Variants in PDCD10 observed in about 807,000 individuals in gnomAD.
PDCD10 encodes the protein programmed cell death 10.
Under a neutral mutation model 29.2 loss-of-function variants are expected in PDCD10, and 4 were observed. The observed-to-expected ratio is 0.14, with a 90% confidence interval of 0.07 to 0.31. The LOEUF is 0.31. Among genes scored for constraint, PDCD10 ranks in the 10% least tolerant of loss-of-function variants. The probability of loss-of-function intolerance (pLI) is 1.00; values close to 1 mark genes in which losing one functional copy is unlikely to be tolerated. For missense variants in PDCD10, 183 were observed against 257.9 expected (o/e 0.71, Z 1.99); for synonymous variants, 70 against 82.2 (o/e 0.85, Z 0.80).
At chr3:167,706,060 A>G (rs926585858) in intron 3 of PDCD10, among the ~76,000 whole-genome samples, 3 of 152,180 alleles carry the variant, frequency 2.0e-5, no homozygotes, top group Admixed American at 6.5e-5. Context: ...TTCAAGTATC[A>G]GCGTTATTAG....
intron 3 of PDCD10, among the ~76,000 whole-genome samples, chr3:167,714,926 G>GA (rs1232616517): frequency 1.1e-4 from 16 of 151,814 alleles, no homozygotes; most frequent in Non-Finnish European, 2.2e-4. Context: ...CACAGAAATA[G>GA]AAAAAACAAT....
At chr3:167,717,373 G>T (rs1355831735) in intron 3 of PDCD10, among the ~76,000 whole-genome samples, 1 of 152,098 alleles carries the variant, frequency 6.6e-6, no homozygotes, top group East Asian at 1.9e-4. Context: ...ACAATACACT[G>T]TAGACAAGAT....
intron 6 of PDCD10, chr3:167,694,620 G>C (rs1054547564): frequency 1.3e-5 from 2 of 152,762 alleles, no homozygotes. Flanking sequence ...CATCAGCTGA[G>C]CTGACCGTCC....
At chr3:167,712,339 A>G (rs1220652325) in intron 3 of PDCD10, among the ~76,000 whole-genome samples, 1 of 152,102 alleles carries the variant, frequency 6.6e-6, no homozygotes. Flanking sequence ...AATGAAGTAT[A>G]GAGATTTTAT....
chr3:167,709,332 G>A lies in PDCD10; in HGVS notation c.97-4437C>T, dbSNP rs78157108. On this transcript the variant is annotated intron_variant, in intron 3 of 8. Transcript: ENST00000392750. The stretch of plus-strand genomic sequence containing the variant: ...TCATATTGCTGAAAGAGGCAATAAA[G>A]AGAGTGGAAAAGACCATCTTGAAAC... Among the ~76,000 whole-genome samples the A allele has an allele frequency of 7.9e-3, 1,207 of 152,230 alleles. 9 individuals carry two copies. Among genetic ancestry groups the A allele is most frequent in the Non-Finnish European group, 0.014 (924 of 68,002 alleles).
Position 167,695,981 on chromosome 3 carries a change from TA to T in PDCD10, c.269-260del, listed in dbSNP as rs11332538. ...GACAAAAGGACATCCCATGAAATCTTAAAAAAAAAAAACACACAAAAAAAAA... is the reference window on the plus strand; with the variant it reads ...GACAAAAGGACATCCCATGAAATCTTAAAAAAAAAAACACACAAAAAAAAA... On this transcript the variant is annotated intron_variant, in intron 5 of 8. Coordinates refer to ENST00000392750, the MANE Select transcript of PDCD10 (RefSeq NM_007217.4). 0.32 allele frequency among the ~76,000 whole-genome samples: 44,024 copies of T among 138,252 alleles called. 7,772 individuals carry two copies. Among genetic ancestry groups the T allele is most frequent in the African/African-American group, 0.51 (19,836 of 38,680 alleles). The allele number at this position is 138,252 out of a possible 152,430, so 90.7% of individuals were successfully genotyped here. A position where few individuals can be genotyped will look rare whatever the true frequency, so the allele number is the denominator to read the frequency against.
intron 2 of PDCD10, among the ~76,000 whole-genome samples, chr3:167,722,306 A>T (rs960194748): frequency 3.3e-5 from 5 of 152,198 alleles, no homozygotes; most frequent in African/African-American, 1.2e-4. Flanking sequence ...TATTAAATAT[A>T]GAGCAGTGAA....
chr3:167,718,673 G>A (rs1260993069), intron 3 of PDCD10, among the ~76,000 whole-genome samples: 2 of 151,520 alleles, frequency 1.3e-5, no homozygotes, highest in East Asian at 1.9e-4. Flanking sequence ...CTAGATGCGG[G>A]ACCCCACTCT....
At chr3:167,698,981 A>G (rs1227356681) in intron 4 of PDCD10, among the ~76,000 whole-genome samples, 1 of 152,214 alleles carries the variant, frequency 6.6e-6, no homozygotes, top group Non-Finnish European at 1.5e-5. Flanking sequence ...GCTGTTTATT[A>G]AATACTTAGG....
At chr3:167,732,950 G>A (rs2108516298) in intron 2 of PDCD10, among the ~76,000 whole-genome samples, 1 of 152,262 alleles carries the variant, frequency 6.6e-6, no homozygotes, top group African/African-American at 2.4e-5. Context: ...TTCCTTGTCT[G>A]TGTACTACAT....
At chr3:167,715,988 T>C (rs1342263209) in intron 3 of PDCD10, among the ~76,000 whole-genome samples, 1 of 151,912 alleles carries the variant, frequency 6.6e-6, no homozygotes, top group Non-Finnish European at 1.5e-5. Flanking sequence ...TGCTGCAGCA[T>C]TGTTCACAAC....
At chr3:167,696,868 C>T (rs1476127997) in intron 5 of PDCD10, 141 bp downstream of exon 5, 2 of 711,038 alleles carry the variant, frequency 2.8e-6, no homozygotes, top group Non-Finnish European at 5.2e-6. Flanking sequence ...TCACTATCAC[C>T]ACCACCACCA....
At chr3:167,721,042 G>A (rs781332218) in intron 2 of PDCD10, among the ~76,000 whole-genome samples, 3 of 152,070 alleles carry the variant, frequency 2.0e-5, no homozygotes, top group Non-Finnish European at 2.9e-5. Context: ...AAGGAAATAT[G>A]TTAGTTTTTA....
rs9810173 is a variant in PDCD10 at position 167,725,933 on chromosome 3, C to T, written c.-116-5660G>A. Among the ~76,000 whole-genome samples the T allele has an allele frequency of 4.6e-3, 689 of 150,476 alleles. 2 individuals are homozygous for T. The highest frequency in any genetic ancestry group is 8.1e-3 in the Non-Finnish European group (546 of 67,680). On this transcript the variant is annotated intron_variant, in intron 2 of 8. Transcript: ENST00000392750. ...TGTCATTCATAAACTATCTTTGTCT[C>T]TGAACAAGTCATTTCACCTCTCTAT...
intron 3 of PDCD10, among the ~76,000 whole-genome samples, chr3:167,710,988 A>G (rs1722466045): frequency 6.6e-6 from 1 of 152,216 alleles, no homozygotes; most frequent in Non-Finnish European, 1.5e-5. Flanking sequence ...TGGAAGAACC[A>G]CAGCATTATT....
intron 7 of PDCD10, 139 bp downstream of exon 7, chr3:167,687,476 T>C (rs1363205351): frequency 1.4e-6 from 1 of 734,416 alleles, no homozygotes; most frequent in African/African-American, 1.8e-5. Flanking sequence ...TAAAAAGGCA[T>C]ATTTAAATTC....
At chr3:167,702,351 A>G (rs927759437) in intron 4 of PDCD10, among the ~76,000 whole-genome samples, 1 of 149,368 alleles carries the variant, frequency 6.7e-6, no homozygotes, top group African/African-American at 2.5e-5. Flanking sequence ...AATGAATAAT[A>G]AATATATTTT....
intron 3 of PDCD10, among the ~76,000 whole-genome samples, chr3:167,714,224 G>C (rs1722790912): frequency 6.6e-6 from 1 of 152,048 alleles, no homozygotes; most frequent in African/African-American, 2.4e-5. Flanking sequence ...ACGCAAGGAT[G>C]GTTCAATATA....
chr3:167,695,326 T>C (rs1393131315), intron 6 of PDCD10, among the ~76,000 whole-genome samples: 1 of 152,242 alleles, frequency 6.6e-6, no homozygotes, highest in African/African-American at 2.4e-5. Flanking sequence ...TATTCATTTA[T>C]CTGACATTTA....
Sources: gnomAD v4.1 joint callset for allele counts (sites outside exome capture counted in the v4.1 genomes callset) on GRCh38, gnomAD v4.1.1 for gene constraint, MANE v1.5 for transcripts, NCBI Gene and HGNC (gene_info 2026-07-23, HGNC 2026-07-21) for gene names.